The following SOX6 variants were observed in gnomAD, a reference collection of about 807,000 sequenced individuals.
The protein encoded by SOX6 is transcription factor SOX-6.
In SOX6, 11 loss-of-function variants were observed where a neutral mutation model predicts 97.8. The observed-to-expected ratio is 0.11, with a 90% CI of 0.07 to 0.19. The LOEUF is 0.19. Ranked by LOEUF, SOX6 falls within the 10% of genes least tolerant of loss-of-function variation. The pLI is 1.00. For missense variants in SOX6, 810 were observed against 1,039.5 expected (o/e 0.78, Z 3.04); for synonymous variants, 360 against 371.4 (o/e 0.97, Z 0.35).
chr11:16,045,638 T>C (rs1006042552), intron 12 of SOX6, among the ~76,000 whole-genome samples: 6 of 152,142 alleles, frequency 3.9e-5, no homozygotes, highest in Non-Finnish European at 7.4e-5. Context: ...TCTTGTGCCA[T>C]TCCTGCCACA....
intron 1 of SOX6, among the ~76,000 whole-genome samples, chr11:16,473,583 G>A (rs1397385081): frequency 1.5e-5 from 2 of 133,266 alleles, no homozygotes; most frequent in Non-Finnish European, 3.1e-5. Flanking sequence ...ATGGAATCTT[G>A]CTCTGTCGCC....
intron 1 of SOX6, among the ~76,000 whole-genome samples, chr11:16,374,914 T>G (rs1857603263): frequency 6.6e-6 from 1 of 152,092 alleles, no homozygotes; most frequent in African/African-American, 2.4e-5. Context: ...TCATTTTTGT[T>G]ATTATTGACA....
chr11:16,564,860 G>A (rs1297202286), intron 4 of SOX6, among the ~76,000 whole-genome samples: 1 of 151,738 alleles, frequency 6.6e-6, no homozygotes, highest in East Asian at 1.9e-4. Flanking sequence ...AAGAAAAGAA[G>A]AAAAATCTTA....
chr11:16,523,872 A>T (rs1473887142), intron 4 of SOX6, among the ~76,000 whole-genome samples: 1 of 152,254 alleles, frequency 6.6e-6, no homozygotes, highest in African/African-American at 2.4e-5. Context: ...CAAACAAACT[A>T]GAAAATCTAG....
intron 9 of SOX6, among the ~76,000 whole-genome samples, chr11:16,076,376 A>T (rs1253518286): frequency 3.3e-5 from 5 of 151,578 alleles, no homozygotes; most frequent in Admixed American, 6.6e-5. Flanking sequence ...TCTAATATGC[A>T]GAATCTATAA....
At chr11:16,020,616 C>T (rs981635625) in intron 12 of SOX6, among the ~76,000 whole-genome samples, 3 of 152,114 alleles carry the variant, frequency 2.0e-5, no homozygotes, top group East Asian at 3.9e-4. Flanking sequence ...CCTTCCTTCT[C>T]GTTTCTCCTT....
chr11:16,725,021 A>C (rs1848296333), intron 2 of SOX6, among the ~76,000 whole-genome samples: 1 of 152,204 alleles, frequency 6.6e-6, no homozygotes, highest in Admixed American at 6.5e-5. Context: ...ACATATACCC[A>C]CAAGAATTGG....
chr11:16,617,139 G>A (rs1848481276), intron 3 of SOX6, among the ~76,000 whole-genome samples: 1 of 151,802 alleles, frequency 6.6e-6, no homozygotes, highest in African/African-American at 2.4e-5. Context: ...TATATAAATA[G>A]CTCATTGGGT....
intron 1 of SOX6, among the ~76,000 whole-genome samples, chr11:16,364,775 T>C (rs1857307394): frequency 6.6e-6 from 1 of 152,090 alleles, no homozygotes; most frequent in African/African-American, 2.4e-5. Flanking sequence ...TAAATCCAGT[T>C]AGAAAAGGGC....
chr11:15,983,965 C>T (rs1853748059), intron 15 of SOX6, among the ~76,000 whole-genome samples: 1 of 152,114 alleles, frequency 6.6e-6, no homozygotes, highest in African/African-American at 2.4e-5. Flanking sequence ...CAGCATAGGG[C>T]TATGAGGCAT....
intron 3 of SOX6, among the ~76,000 whole-genome samples, chr11:16,298,154 T>G (rs1183780757): frequency 6.6e-6 from 1 of 152,120 alleles, no homozygotes; most frequent in Non-Finnish European, 1.5e-5. Flanking sequence ...ATTTTAAAAT[T>G]TTATTCCATT....
chr11:16,043,884 A>C (rs190014759), intron 12 of SOX6, among the ~76,000 whole-genome samples: 14 of 152,082 alleles, frequency 9.2e-5, no homozygotes, highest in Admixed American at 5.2e-4. Flanking sequence ...GGCGTCACTT[A>C]TCCAATGACT....
At chr11:16,080,735 T>C (rs1848455035) in intron 9 of SOX6, among the ~76,000 whole-genome samples, 1 of 152,104 alleles carries the variant, frequency 6.6e-6, no homozygotes, top group Admixed American at 6.6e-5. Flanking sequence ...AAAAACATAA[T>C]ATAATAAATG....
At chr11:16,220,090 C>T (rs1316407550) in intron 4 of SOX6, among the ~76,000 whole-genome samples, 1 of 151,828 alleles carries the variant, frequency 6.6e-6, no homozygotes, top group Non-Finnish European at 1.5e-5. Flanking sequence ...TTCACTAATT[C>T]ACATTATAAA....
chr11:16,506,226 G>C (rs1860786846), intron 4 of SOX6, among the ~76,000 whole-genome samples: 2 of 152,178 alleles, frequency 1.3e-5, no homozygotes, highest in Non-Finnish European at 2.9e-5. Context: ...AGCTGCCCAA[G>C]GTCTTGGGAG....
intron 4 of SOX6, among the ~76,000 whole-genome samples, chr11:16,528,214 G>T (rs1019179281): frequency 6.6e-6 from 1 of 152,056 alleles, no homozygotes; most frequent in Non-Finnish European, 1.5e-5. Context: ...CAAAGTCAAT[G>T]GGAAGGAGGA....
chr11:16,644,857 A>G (rs1341132984), intron 3 of SOX6, among the ~76,000 whole-genome samples: 1 of 152,178 alleles, frequency 6.6e-6, no homozygotes, highest in East Asian at 1.9e-4. Flanking sequence ...ATGCCTGCTC[A>G]CTTTTCATTG....
rs144086482 is a variant in SOX6 at position 16,722,410 on chromosome 11, C to T, written n.354-7505G>A. ...GTTCACACCTGTAATCTCAGCACTCCGGAGGCCGAGGCAGGCGGATCATTT... is the reference window on the plus strand; with the variant it reads ...GTTCACACCTGTAATCTCAGCACTCTGGAGGCCGAGGCAGGCGGATCATTT... On this transcript the variant is annotated intron_variant and non_coding_transcript_variant, in intron 2 of 5. Coordinates refer to the SOX6 transcript ENST00000524520. Among the ~76,000 whole-genome samples, 500 of 152,110 alleles carry T rather than the reference C, an allele frequency of 3.3e-3. 2 individuals are homozygous for T. The highest frequency in any genetic ancestry group is 0.012 in the African/African-American group (483 of 41,504).
At chr11:16,363,484 C>T (rs1301331105) in intron 1 of SOX6, among the ~76,000 whole-genome samples, 3 of 152,080 alleles carry the variant, frequency 2.0e-5, no homozygotes, top group African/African-American at 7.2e-5. Context: ...CTCTTCTGAT[C>T]CCAAGCATTT....
Sources: allele counts gnomAD v4.1 joint callset (sites outside exome capture counted in the v4.1 genomes callset), GRCh38; gene constraint gnomAD v4.1.1; transcripts MANE v1.5; gene names NCBI Gene and HGNC (gene_info 2026-07-23, HGNC 2026-07-21).